LYPLAL1: variants seen among roughly 807,000 people sequenced by gnomAD.
The protein encoded by LYPLAL1 is lysophospholipase-like protein 1.
In LYPLAL1, 23 loss-of-function variants were observed where a neutral mutation model predicts 19.7. The observed-to-expected ratio is 1.17, with a 90% CI of 0.84 to 1.65. The LOEUF (loss-of-function observed/expected upper bound fraction) is 1.65. Among genes scored for constraint, LYPLAL1 ranks in the 40% most tolerant of loss-of-function variants. The pLI is 0.00. For synonymous variants in LYPLAL1, 119 were observed against 96.3 expected, an observed-to-expected ratio of 1.24 and a Z score of -1.38; for missense variants, 355 against 279.4, an observed-to-expected ratio of 1.27 and a Z score of -1.93.
At chr1:219,192,775 C>T (rs1443271262) in intron 2 of LYPLAL1, among the ~76,000 whole-genome samples, 1 of 151,292 alleles carries the variant, frequency 6.6e-6, no homozygotes, top group Non-Finnish European at 1.5e-5. Context: ...ACATAGTATC[C>T]CAGAGCATGA....
intron 3 of LYPLAL1, chr1:219,199,947 G>C (rs1461605258): frequency 8.6e-6 from 2 of 233,432 alleles, no homozygotes; most frequent in Non-Finnish European, 1.8e-5. Context: ...ATCAAGAGAT[G>C]AGTGCCACAC....
chr1:219,328,334 T>C, the LYPLAL1 span, among the ~76,000 whole-genome samples: 1 of 152,210 alleles, frequency 6.6e-6, no homozygotes, highest in Admixed American at 6.6e-5. Flanking sequence ...TTACCATGCC[T>C]TCCTAGGTGA....
the LYPLAL1 span, among the ~76,000 whole-genome samples, chr1:219,247,572 A>C: frequency 6.6e-6 from 1 of 152,178 alleles, no homozygotes; most frequent in Non-Finnish European, 1.5e-5. Flanking sequence ...GCTGAGTAGG[A>C]CTATTAACCA....
the LYPLAL1 span, among the ~76,000 whole-genome samples, chr1:219,406,108 T>G: frequency 6.6e-6 from 1 of 152,234 alleles, no homozygotes; most frequent in African/African-American, 2.4e-5. Context: ...GAATCCCATT[T>G]TCTTAAAAGT....
chr1:219,412,963 C>G, the LYPLAL1 span, among the ~76,000 whole-genome samples: 1 of 152,146 alleles, frequency 6.6e-6, no homozygotes, highest in Non-Finnish European at 1.5e-5. Flanking sequence ...TATCAAGAGA[C>G]TTTTCAATCC....
chr1:219,308,954 G>A, the LYPLAL1 span, among the ~76,000 whole-genome samples: 7 of 152,186 alleles, frequency 4.6e-5, no homozygotes, highest in Non-Finnish European at 1.0e-4. Flanking sequence ...CTGCACACCT[G>A]GGAAAGCTGC....
chr1:219,223,372 C>T, the LYPLAL1 span, among the ~76,000 whole-genome samples: 3 of 152,156 alleles, frequency 2.0e-5, no homozygotes, highest in Non-Finnish European at 4.4e-5. Flanking sequence ...TGACTTCCCT[C>T]GAATCCTGTT....
intron 1 of LYPLAL1, among the ~76,000 whole-genome samples, chr1:219,176,459 G>T (rs1476967579): frequency 6.6e-6 from 1 of 152,190 alleles, no homozygotes; most frequent in Non-Finnish European, 1.5e-5. Flanking sequence ...TCACCAGTAA[G>T]CTCAGGCTCT....
chr1:219,360,891 G>A, the LYPLAL1 span, among the ~76,000 whole-genome samples: 1 of 152,128 alleles, frequency 6.6e-6, no homozygotes, highest in African/African-American at 2.4e-5. Flanking sequence ...TTCTTACCAT[G>A]TTCTTTCTGC....
chr1:219,323,703 C>T, the LYPLAL1 span, among the ~76,000 whole-genome samples: 4 of 151,994 alleles, frequency 2.6e-5, no homozygotes, highest in South Asian at 2.1e-4. Flanking sequence ...GAATAATAAC[C>T]GAGGCAGTTT....
chr1:219,183,303 G>T (rs1194554440), intron 2 of LYPLAL1, among the ~76,000 whole-genome samples: 1 of 151,904 alleles, frequency 6.6e-6, no homozygotes, highest in African/African-American at 2.4e-5. Context: ...TGATTTGTTG[G>T]AGTTCTGTAG....
the LYPLAL1 span, among the ~76,000 whole-genome samples, chr1:219,323,310 G>A: frequency 6.6e-6 from 1 of 152,170 alleles, no homozygotes; most frequent in Non-Finnish European, 1.5e-5. Context: ...AGAAAAATGA[G>A]AGGTGGGTGG....
At chr1:219,308,473 T>C in the LYPLAL1 span, among the ~76,000 whole-genome samples, 1 of 152,270 alleles carries the variant, frequency 6.6e-6, no homozygotes, top group African/African-American at 2.4e-5. Flanking sequence ...TGCAACAGCC[T>C]CTCCCATCAC....
At chr1:219,281,019 A>T in the LYPLAL1 span, among the ~76,000 whole-genome samples, 2 of 152,234 alleles carry the variant, frequency 1.3e-5, no homozygotes, top group African/African-American at 2.4e-5. Context: ...ACTGCATTCC[A>T]GCCTGGGTGA....
rs149478220 is a variant in LYPLAL1 at position 219,173,906 on chromosome 1, G to A, written c.16G>A (p.Gly6Arg). 3 of 1,613,248 alleles carry A rather than the reference G, an allele frequency of 1.9e-6. No homozygotes were observed. The highest frequency in any genetic ancestry group is 2.5e-6 in the Non-Finnish European group (3 of 1,179,904). Residue 6 changes from glycine (G) to arginine (R), a missense_variant, in exon 1 of 5, where the codon GGG becomes AGG. Coordinates refer to ENST00000366928, the MANE Select transcript of LYPLAL1 (RefSeq NM_138794.5). ...GGCATCAGCGATGGCGGCTGCGTCGGGGTCGGTTCTGCAGCGCTGTATCGT... is the reference window on the plus strand; with the variant it reads ...GGCATCAGCGATGGCGGCTGCGTCGAGGTCGGTTCTGCAGCGCTGTATCGT... MAAAS[G>R]SVLQRCIVSP...
At chr1:219,236,841 C>G in the LYPLAL1 span, among the ~76,000 whole-genome samples, 1 of 152,102 alleles carries the variant, frequency 6.6e-6, no homozygotes, top group Admixed American at 6.5e-5. Flanking sequence ...TTTGCTGTAC[C>G]TATCAACCCA....
At chr1:219,317,438 AG>A in the LYPLAL1 span, among the ~76,000 whole-genome samples, 1 of 152,128 alleles carries the variant, frequency 6.6e-6, no homozygotes, top group Non-Finnish European at 1.5e-5. Context: ...AGAGAGGTAC[AG>A]GGAAGTCACT....
chr1:219,220,140 C>A, the LYPLAL1 span, among the ~76,000 whole-genome samples: 3 of 152,012 alleles, frequency 2.0e-5, no homozygotes, highest in Admixed American at 6.6e-5. Flanking sequence ...AGCTTTCTTC[C>A]AGAAGGACTA....
At chr1:219,198,407 GT>G (rs1262487232) in intron 3 of LYPLAL1, 1 of 151,872 alleles carries the variant, frequency 6.6e-6, no homozygotes, top group Non-Finnish European at 1.5e-5. Context: ...TATCAGAAAT[GT>G]TTTTAAAGTA....
Sources: allele counts gnomAD v4.1 joint callset (sites outside exome capture counted in the v4.1 genomes callset), GRCh38; gene constraint gnomAD v4.1.1; transcripts MANE v1.5; gene names NCBI Gene and HGNC (gene_info 2026-07-23, HGNC 2026-07-21).